PHACTR2: variants seen among roughly 807,000 people sequenced by gnomAD.
The protein encoded by PHACTR2 is phosphatase and actin regulator 2.
PHACTR2 carries 30 observed loss-of-function variants against 76.0 expected under a neutral mutation model. The observed-to-expected ratio is 0.39, with a 90% CI of 0.30 to 0.54. The LOEUF (loss-of-function observed/expected upper bound fraction) is 0.54. Ranked by LOEUF, PHACTR2 falls within the 20% of genes least tolerant of loss-of-function variation. The probability of loss-of-function intolerance (pLI) is 0.61; values close to 1 mark genes in which losing one functional copy is unlikely to be tolerated. For missense variants in PHACTR2, 696 were observed against 781.1 expected (o/e 0.89, Z 1.30); for synonymous variants, 292 against 292.5 (o/e 1.00, Z 0.02).
At position 143,709,194 on chromosome 6, in the gene PHACTR2, GTAT is replaced by G. The variant is rs1778114457; in HGVS notation, c.47-2821_47-2819del. 6.6e-6 allele frequency among the ~76,000 whole-genome samples: 1 copy of G among 152,182 alleles called. No individual in the cohort carries two copies. Among genetic ancestry groups the G allele is most frequent in the Admixed American group, 6.5e-5 (1 of 15,284 alleles). ...TAGCTTCAAAATCAGTCTGTCCCCTGTATCTCTATCTGTTGTGCTATGGCTGAA... is the reference window on the plus strand; with the variant it reads ...TAGCTTCAAAATCAGTCTGTCCCCTGCTCTATCTGTTGTGCTATGGCTGAA... On this transcript the variant is annotated intron_variant, in intron 1 of 12. Coordinates refer to ENST00000440869, the MANE Select transcript of PHACTR2 (RefSeq NM_001100164.2). The surrounding 1 kb of genome is among the most constrained non-coding windows in gnomAD (Gnocchi z 4.4).
In PHACTR2 at chr6:143,783,749, T is replaced by C. The variant is rs1422036169; in HGVS notation, c.1707+469T>C. On this transcript the variant is annotated intron_variant, in intron 10 of 12. Coordinates refer to ENST00000440869, the MANE Select transcript of PHACTR2 (RefSeq NM_001100164.2). This position sits in a 1 kb window ranked among gnomAD's most constrained non-coding sequence, Gnocchi z 5.2. ...TTAAGTTGCATTTACTCCATGAAAGTATGTACTCTGTGTGAAAATTTTTAA... is the reference window on the plus strand; with the variant it reads ...TTAAGTTGCATTTACTCCATGAAAGCATGTACTCTGTGTGAAAATTTTTAA... Among the ~76,000 whole-genome samples, 1 of 152,236 alleles carries C rather than the reference T, an allele frequency of 6.6e-6. No homozygotes were observed. Among genetic ancestry groups the C allele is most frequent in the African/African-American group, 2.4e-5 (1 of 41,460 alleles).
chr6:143,642,551 C>T (rs556649997), intron 1 of PHACTR2, among the ~76,000 whole-genome samples: 4 of 152,216 alleles, frequency 2.6e-5, no homozygotes, highest in African/African-American at 7.2e-5. Context: ...AGTCCTAACC[C>T]GTAGTACCTC....
Position 143,618,044 on chromosome 6 carries a change from A to C in PHACTR2, c.13+9722A>C, listed in dbSNP as rs952164857. On this transcript the variant is annotated intron_variant, in intron 1 of 11. Coordinates refer to the PHACTR2 transcript ENST00000305766. The surrounding 1 kb of genome is among the most constrained non-coding windows in gnomAD (Gnocchi z 5.2). ...AAGAGATGTTAAACATCTCTTGTCA[A>C]ATTCTGTATAATAGAAGAGGTACAT... Among the ~76,000 whole-genome samples the C allele has an allele frequency of 6.6e-6, 1 of 152,134 alleles. No homozygotes were observed. Among genetic ancestry groups the C allele is most frequent in the Non-Finnish European group, 1.5e-5 (1 of 67,998 alleles).
Position 143,679,473 on chromosome 6 carries a change from A to C in PHACTR2, c.46+1264A>C, listed in dbSNP as rs1396885966. 6.6e-6 allele frequency among the ~76,000 whole-genome samples: 1 copy of C among 152,174 alleles called. No individual in the cohort carries two copies. Among genetic ancestry groups the C allele is most frequent in the Non-Finnish European group, 1.5e-5 (1 of 68,024 alleles). On this transcript the variant is annotated intron_variant, in intron 1 of 12. Transcript: ENST00000440869. The surrounding 1 kb of genome is among the most constrained non-coding windows in gnomAD (Gnocchi z 4.6). ...TAAATTTAGTAAACTATTTTGTGCA[A>C]ATAAGACTTGGTTTCCTTTGTCTTA...
At position 143,589,308 on chromosome 6, in the gene PHACTR2, G is replaced by A. The variant is rs1351701044; in HGVS notation, c.217+52101G>A. On this transcript the variant is annotated intron_variant, in intron 1 of 11. Transcript: ENST00000367584. The surrounding 1 kb of genome is among the most constrained non-coding windows in gnomAD (Gnocchi z 4.4). ...TTTCCCCCTTGCTGTTGTCATGATA[G>A]TGAATGACTTCTCACGATATCTGGT... Among the ~76,000 whole-genome samples the A allele has an allele frequency of 2.6e-5, 4 of 152,196 alleles. No individual in the cohort carries two copies. The highest frequency in any genetic ancestry group is 9.7e-5 in the African/African-American group (4 of 41,446).
chr6:143,743,452 C>T lies in PHACTR2; in HGVS notation c.215-5533C>T, dbSNP rs1778989416. 6.6e-6 allele frequency among the ~76,000 whole-genome samples: 1 copy of T among 152,140 alleles called. No individual in the cohort carries two copies. The highest frequency in any genetic ancestry group is 1.5e-5 in the Non-Finnish European group (1 of 68,032). ...AGATAAACAAAAAAATCGCCAGACCCCTGAGTGTTTTTAGGTGGGGATGTT... is the reference window on the plus strand; with the variant it reads ...AGATAAACAAAAAAATCGCCAGACCTCTGAGTGTTTTTAGGTGGGGATGTT... On this transcript the variant is annotated intron_variant, in intron 2 of 12. Transcript: ENST00000440869. The surrounding 1 kb of genome is among the most constrained non-coding windows in gnomAD (Gnocchi z 5.0).
chr6:143,718,888 T>TTTTTTTTTTTTG, intron 2 of PHACTR2, among the ~76,000 whole-genome samples: 1 of 142,266 alleles, frequency 7.0e-6, no homozygotes, highest in Admixed American at 7.1e-5. Flanking sequence ...TTTTTTTTTT[T>TTTTTTTTTTTTG]TTTTTTTTTT....
chr6:143,666,979 G>A (rs1057308451), intron 1 of PHACTR2, among the ~76,000 whole-genome samples: 3 of 152,002 alleles, frequency 2.0e-5, no homozygotes, highest in Non-Finnish European at 4.4e-5. Context: ...TGGTATTGCC[G>A]AGGTTTTCTT....
chr6:143,644,031 A>T (rs755901011), intron 1 of PHACTR2, among the ~76,000 whole-genome samples: 6 of 152,224 alleles, frequency 3.9e-5, no homozygotes, highest in Non-Finnish European at 7.3e-5. Context: ...TTAAAAAAGT[A>T]ACTCAACAGA....
In PHACTR2 at chr6:143,599,084, G is replaced by A. The variant is rs947397010; in HGVS notation, c.217+61877G>A. Among the ~76,000 whole-genome samples, 1 of 152,140 alleles carries A rather than the reference G, an allele frequency of 6.6e-6. No homozygotes were observed. Among genetic ancestry groups the A allele is most frequent in the African/African-American group, 2.4e-5 (1 of 41,420 alleles). On this transcript the variant is annotated intron_variant, in intron 1 of 11. Coordinates refer to the PHACTR2 transcript ENST00000367584. The surrounding 1 kb of genome is among the most constrained non-coding windows in gnomAD (Gnocchi z 4.6). ...ATTGATGACCCTCTGGGTACTCAGC[G>A]CTTTGCTCTAGGTGTCCTAAGCTGA...
chr6:143,716,221 A>T (rs1044534282), intron 2 of PHACTR2, among the ~76,000 whole-genome samples: 1 of 152,220 alleles, frequency 6.6e-6, no homozygotes, highest in Non-Finnish European at 1.5e-5. Context: ...AGGTAGGGTA[A>T]ATCTCAGAGC....
At position 143,788,788 on chromosome 6, in the gene PHACTR2, A is replaced by T; in HGVS notation, c.1723A>T (p.Thr575Ser). ...CCTCCTGCAGCTCAGCCTGAGACCC[A>T]CAGTGGCAGAGCTACAAGCTCGAAG... ...RLSRKLSLRP[T>S]VAELQARRIL... is the part of the protein sequence containing the mutation. The change falls in exon 11 of 13, where the codon ACA (threonine) becomes TCA (serine). Residue 575 changes from threonine (T) to serine (S), a missense_variant. Physicochemically the swap from Thr to Ser is moderately conservative, Grantham distance 58 (BLOSUM62 1). This residue lies in a region of PHACTR2 where 236 missense variants were observed against 330.2 expected (regional missense o/e 0.71). Transcript: ENST00000440869. 6.2e-7 allele frequency: 1 copy of T among 1,612,458 alleles called. No homozygotes were observed. The highest frequency in any genetic ancestry group is 8.5e-7 in the Non-Finnish European group (1 of 1,178,812).
chr6:143,767,215 G>A lies in PHACTR2; in HGVS notation c.1232+1417G>A, dbSNP rs747240476. Among the ~76,000 whole-genome samples, 21 of 152,140 alleles carry A rather than the reference G, an allele frequency of 1.4e-4. No individual in the cohort carries two copies. Among genetic ancestry groups the A allele is most frequent in the Non-Finnish European group, 2.6e-4 (18 of 68,018 alleles). On this transcript the variant is annotated intron_variant, in intron 6 of 12. Coordinates refer to ENST00000440869, the MANE Select transcript of PHACTR2 (RefSeq NM_001100164.2). The surrounding 1 kb of genome is among the most constrained non-coding windows in gnomAD (Gnocchi z 4.4). ...CCCTGTTTTATAGATAAGAAAACTG[G>A]CACTGAGAGAGCTAAAATAGTTTGC...
intron 1 of PHACTR2, among the ~76,000 whole-genome samples, chr6:143,614,844 A>G (rs1050983491): frequency 2.0e-5 from 3 of 152,230 alleles, no homozygotes; most frequent in African/African-American, 4.8e-5. Flanking sequence ...ATTCAATGAC[A>G]TCTATGAGAT....
rs1341376031 is a variant in PHACTR2 at position 143,633,227 on chromosome 6, C to T, written c.13+24905C>T. Among the ~76,000 whole-genome samples, 1 of 152,160 alleles carries T rather than the reference C, an allele frequency of 6.6e-6. No homozygotes were observed. The highest frequency in any genetic ancestry group is 2.4e-5 in the African/African-American group (1 of 41,432). On this transcript the variant is annotated intron_variant, in intron 1 of 11. Transcript: ENST00000305766. The surrounding 1 kb of genome is among the most constrained non-coding windows in gnomAD (Gnocchi z 4.1). ...CTGTACCATTTTGCATTCCCATCAG[C>T]AAAGAATGAGAGTTCCTGTTGCTCC... is the stretch of plus-strand genomic sequence containing the variant.
In PHACTR2 at chr6:143,625,226, A is replaced by G. The variant is rs576021739; in HGVS notation, c.13+16904A>G. Among the ~76,000 whole-genome samples the G allele has an allele frequency of 2.4e-4, 36 of 152,312 alleles. No individual in the cohort carries two copies. Among genetic ancestry groups the G allele is most frequent in the African/African-American group, 7.9e-4 (33 of 41,574 alleles). On this transcript the variant is annotated intron_variant, in intron 1 of 11. Coordinates refer to the PHACTR2 transcript ENST00000305766. The surrounding 1 kb of genome is among the most constrained non-coding windows in gnomAD (Gnocchi z 4.3). ...TATTTGCTGAGGGCATCATGTGACTATCGTTTAAAATACAGTCATGTATAC... is the reference window on the plus strand; with the variant it reads ...TATTTGCTGAGGGCATCATGTGACTGTCGTTTAAAATACAGTCATGTATAC...
chr6:143,631,674 A>T (rs1303914895), intron 1 of PHACTR2, among the ~76,000 whole-genome samples: 2 of 152,186 alleles, frequency 1.3e-5, no homozygotes, highest in African/African-American at 4.8e-5. Context: ...CTTCATTTTC[A>T]AACCCCACAA....
At position 143,541,303 on chromosome 6, in the gene PHACTR2, C is replaced by CT. The variant is rs1781169208; in HGVS notation, c.217+4097dup. Reference sequence around the variant, plus strand: ...GCACAGTGTTTAGTAAGTAAAGAACCTGAAGACACACAGCCAGGGGCATAG... The same window carrying CT: ...GCACAGTGTTTAGTAAGTAAAGAACCTTGAAGACACACAGCCAGGGGCATAG... On this transcript the variant is annotated intron_variant, in intron 1 of 11. Coordinates refer to the PHACTR2 transcript ENST00000367584. The surrounding 1 kb of genome is among the most constrained non-coding windows in gnomAD (Gnocchi z 5.3). Among the ~76,000 whole-genome samples, 1 of 152,158 alleles carries CT rather than the reference C, an allele frequency of 6.6e-6. No individual in the cohort carries two copies. The highest frequency in any genetic ancestry group is 1.5e-5 in the Non-Finnish European group (1 of 68,028).
rs538631077 is a variant in PHACTR2, at chr6:143,730,770, C to T, written c.215-18215C>T. ...TTTGTGTGTGTTTGTTTGTTTGAGA[C>T]GGAGTCTTGCTCTGTGGCCCAGGCT... On this transcript the variant is annotated intron_variant, in intron 2 of 12. Coordinates refer to ENST00000440869, the MANE Select transcript of PHACTR2 (RefSeq NM_001100164.2). This position sits in a 1 kb window ranked among gnomAD's most constrained non-coding sequence, Gnocchi z 4.8. 1.1e-4 allele frequency among the ~76,000 whole-genome samples: 16 copies of T among 152,188 alleles called. No homozygotes were observed. Among genetic ancestry groups the T allele is most frequent in the Non-Finnish European group, 1.9e-4 (13 of 68,002 alleles).
Sources: gnomAD v4.1 joint callset for allele counts (sites outside exome capture counted in the v4.1 genomes callset) on GRCh38, gnomAD v4.1.1 for gene constraint, gnomAD v4.1.1 regional missense constraint, Gnocchi (gnomAD v3.1) non-coding constraint, MANE v1.5 for transcripts, NCBI Gene and HGNC (gene_info 2026-07-23, HGNC 2026-07-21) for gene names.